RSU1: variants seen among roughly 807,000 people sequenced by gnomAD.
RSU1 encodes the protein rsu-1.
In RSU1, 26 loss-of-function variants were observed where a neutral mutation model predicts 31.1. The ratio of observed to expected loss-of-function variants is 0.84; its 90% confidence interval spans 0.61 to 1.16. RSU1 has a LOEUF of 1.16. RSU1 is among the 50% of genes most tolerant of loss of function. RSU1 has a pLI of 0.00. For missense variants in RSU1, 320 were observed against 339.1 expected (o/e 0.94, Z 0.44); for synonymous variants, 164 against 136.3 (o/e 1.20, Z -1.41).
At chr10:16,610,490 C>G (rs554012043) in intron 8 of RSU1, among the ~76,000 whole-genome samples, 1 of 152,250 alleles carries the variant, frequency 6.6e-6, no homozygotes, top group African/African-American at 2.4e-5. Flanking sequence ...GAGTGGCAGG[C>G]GAGGAAGCAA....
intron 7 of RSU1, among the ~76,000 whole-genome samples, chr10:16,705,183 T>G (rs11254162): frequency 0.16 from 24,566 of 152,088 alleles, 2,417 homozygotes; most frequent in East Asian, 0.38. Flanking sequence ...TCATCCATGT[T>G]GTAGCATATG....
intron 5 of RSU1, among the ~76,000 whole-genome samples, chr10:16,754,635 T>C (rs1275309312): frequency 6.6e-6 from 1 of 151,466 alleles, no homozygotes; most frequent in Non-Finnish European, 1.5e-5. Flanking sequence ...GTATATAATC[T>C]CTCTCAGAAT....
chr10:16,666,139 A>G (rs1428250523), intron 8 of RSU1, among the ~76,000 whole-genome samples: 1 of 152,182 alleles, frequency 6.6e-6, no homozygotes, highest in Non-Finnish European at 1.5e-5. Context: ...CAGGTTATTA[A>G]TATAACTCAA....
chr10:16,676,212 C>T (rs756541968), intron 8 of RSU1, among the ~76,000 whole-genome samples: 19 of 152,292 alleles, frequency 1.2e-4, no homozygotes, highest in South Asian at 4.1e-4. Context: ...GAAATACCCA[C>T]GACTGAGTAG....
At chr10:16,712,419 T>A (rs1321674812) in intron 7 of RSU1, among the ~76,000 whole-genome samples, 2 of 152,144 alleles carry the variant, frequency 1.3e-5, no homozygotes, top group Non-Finnish European at 2.9e-5. Flanking sequence ...ACTCATGTTA[T>A]TTTCCTTCGC....
intron 3 of RSU1, among the ~76,000 whole-genome samples, chr10:16,768,126 C>T (rs1283887944): frequency 6.6e-6 from 1 of 152,198 alleles, no homozygotes; most frequent in East Asian, 1.9e-4. Flanking sequence ...AGCTTCTGAT[C>T]TATGACCCCA....
intron 7 of RSU1, among the ~76,000 whole-genome samples, chr10:16,726,423 C>A (rs374522258): frequency 6.6e-6 from 1 of 151,880 alleles, no homozygotes; most frequent in South Asian, 2.1e-4. Context: ...CCCACCACCA[C>A]GCCCAGCTAA....
At chr10:16,750,975 C>G (rs951837445) in intron 7 of RSU1, among the ~76,000 whole-genome samples, 5 of 151,900 alleles carry the variant, frequency 3.3e-5, no homozygotes, top group African/African-American at 9.7e-5. Context: ...AGGTGATCCT[C>G]CCACCTCAGC....
intron 8 of RSU1, among the ~76,000 whole-genome samples, chr10:16,607,886 C>T (rs980548970): frequency 1.3e-5 from 2 of 152,138 alleles, no homozygotes; most frequent in Non-Finnish European, 2.9e-5. Context: ...TTTTTTGAGA[C>T]AGAGTCTTGC....
chr10:16,624,999 C>G (rs946259239), intron 8 of RSU1, among the ~76,000 whole-genome samples: 1 of 152,062 alleles, frequency 6.6e-6, no homozygotes, highest in Non-Finnish European at 1.5e-5. Context: ...TGGGTATCAC[C>G]TTCATTAGTA....
intron 7 of RSU1, among the ~76,000 whole-genome samples, chr10:16,746,103 T>C (rs1836848222): frequency 6.6e-6 from 1 of 152,234 alleles, no homozygotes; most frequent in South Asian, 2.1e-4. Context: ...TATTCTGGAG[T>C]ATATAATTGA....
At chr10:16,744,444 A>C (rs1279246904) in intron 7 of RSU1, among the ~76,000 whole-genome samples, 1 of 152,226 alleles carries the variant, frequency 6.6e-6, no homozygotes, top group Admixed American at 6.5e-5. Flanking sequence ...AGGTAATGTT[A>C]AGACAGTGAG....
intron 8 of RSU1, among the ~76,000 whole-genome samples, chr10:16,613,672 A>G (rs1223263324): frequency 2.6e-5 from 4 of 152,222 alleles, no homozygotes; most frequent in African/African-American, 4.8e-5. Flanking sequence ...ATCTAGCTCA[A>G]TGAACTGAAA....
chr10:16,789,566 A>C (rs7908227), intron 2 of RSU1, among the ~76,000 whole-genome samples: 68,379 of 151,984 alleles, frequency 0.45, 19,208 homozygotes, highest in African/African-American at 0.81. Flanking sequence ...ATGGAAACTG[A>C]GCTGTTAGAA....
Position 16,737,558 on chromosome 10 carries a change from C to T in RSU1, c.598+14981G>A, listed in dbSNP as rs533888221. ...TAAAAATATTTCAGATAAACAAAAG[C>T]TAATTAATGACCAAAAAGAACTGTA... is the stretch of plus-strand genomic sequence containing the variant. On this transcript the variant is annotated intron_variant, in intron 7 of 8. Transcript: ENST00000345264. Among the ~76,000 whole-genome samples, 5 of 151,812 alleles carry T rather than the reference C, an allele frequency of 3.3e-5. No homozygotes were observed. The East Asian group carries it at 7.7e-4, about 23-fold the overall frequency.
chr10:16,805,680 A>G (rs1838252790), intron 2 of RSU1, among the ~76,000 whole-genome samples: 1 of 151,840 alleles, frequency 6.6e-6, no homozygotes, highest in Admixed American at 6.6e-5. Flanking sequence ...AAAAAAAAAA[A>G]AAAGCTTTTT....
chr10:16,798,808 T>A (rs192373726), intron 2 of RSU1, among the ~76,000 whole-genome samples: 1 of 152,256 alleles, frequency 6.6e-6, no homozygotes, highest in African/African-American at 2.4e-5. Context: ...TAAAATTGTA[T>A]CACCAGACTT....
In RSU1 at chr10:16,668,547, T is replaced by A. The variant is rs192930626; in HGVS notation, c.731+26476A>T. 2.8e-4 allele frequency among the ~76,000 whole-genome samples: 43 copies of A among 152,350 alleles called. No individual in the cohort carries two copies. The East Asian group carries it at 7.9e-3, about 28-fold the overall frequency. ...TTCTATGGTTTCCTGAACTTTATAA[T>A]TCTATAAAATTTGAACATCATAAAA... On this transcript the variant is annotated intron_variant, in intron 8 of 8. Transcript: ENST00000345264.
chr10:16,816,905 A>C, intron 2 of RSU1, 68 bp downstream of exon 2: 1 of 1,080,814 alleles, frequency 9.3e-7, no homozygotes, highest in Non-Finnish European at 1.4e-6. Context: ...CAGCAGGACC[A>C]GCAGTGAATT....
Sources: allele counts gnomAD v4.1 joint callset (sites outside exome capture counted in the v4.1 genomes callset), GRCh38; gene constraint gnomAD v4.1.1; transcripts MANE v1.5; gene names NCBI Gene and HGNC (gene_info 2026-07-23, HGNC 2026-07-21).